The following MARCHF1 variants were observed in gnomAD, a reference collection of about 807,000 sequenced individuals.
MARCHF1 encodes E3 ubiquitin-protein ligase MARCHF1.
In MARCHF1, 40 loss-of-function variants were observed where a neutral mutation model predicts 54.2. That is an observed-to-expected ratio of 0.74 (90% confidence interval 0.57 to 0.96). The LOEUF is 0.96. Ranked by LOEUF, MARCHF1 falls within the 40% of genes least tolerant of loss-of-function variation. MARCHF1 has a pLI of 0.00. For missense variants in MARCHF1, 586 were observed against 656.5 expected (o/e 0.89, Z 1.17); for synonymous variants, 236 against 236.3 (o/e 1.00, Z 0.01).
At chr4:164,052,584 C>T (rs74712245) in intron 2 of MARCHF1, among the ~76,000 whole-genome samples, 7,229 of 152,044 alleles carry the variant, frequency 0.048, 266 homozygotes, top group East Asian at 0.19. Flanking sequence ...GTTAGAAGTG[C>T]GCTATAAAAC....
chr4:164,366,156 G>A (rs1212174609), intron 1 of MARCHF1, among the ~76,000 whole-genome samples: 1 of 151,844 alleles, frequency 6.6e-6, no homozygotes, highest in Admixed American at 6.6e-5. Flanking sequence ...TATTTAATGG[G>A]GCACAATCAT....
intron 4 of MARCHF1, among the ~76,000 whole-genome samples, chr4:163,777,701 AAAT>A (rs1371144507): frequency 6.6e-6 from 1 of 152,134 alleles, no homozygotes; most frequent in Non-Finnish European, 1.5e-5. Flanking sequence ...CTACCCAAAT[AAAT>A]AATAATACTT....
chr4:163,697,469 T>C (rs1268362316), intron 5 of MARCHF1, among the ~76,000 whole-genome samples: 1 of 152,180 alleles, frequency 6.6e-6, no homozygotes, highest in Non-Finnish European at 1.5e-5. Context: ...CACTAAGGAA[T>C]GGGGAAGGAA....
chr4:164,042,609 C>T (rs1468957422), intron 2 of MARCHF1, among the ~76,000 whole-genome samples: 1 of 152,014 alleles, frequency 6.6e-6, no homozygotes, highest in African/African-American at 2.4e-5. Flanking sequence ...TATATTCTAC[C>T]CCTGAGCCTT....
chr4:164,153,584 G>C (rs571263054), intron 1 of MARCHF1, among the ~76,000 whole-genome samples: 3 of 152,080 alleles, frequency 2.0e-5, no homozygotes, highest in African/African-American at 4.8e-5. Flanking sequence ...ATTAAAAATG[G>C]ATTAACTTTT....
intron 1 of MARCHF1, among the ~76,000 whole-genome samples, chr4:164,374,392 A>G (rs1421281162): frequency 6.6e-6 from 1 of 152,164 alleles, no homozygotes; most frequent in Non-Finnish European, 1.5e-5. Context: ...CGATAGTCCT[A>G]TGACAACTAT....
At chr4:163,603,683 A>T (rs191509829) in intron 7 of MARCHF1, among the ~76,000 whole-genome samples, 1 of 152,246 alleles carries the variant, frequency 6.6e-6, no homozygotes, top group East Asian at 1.9e-4. Flanking sequence ...ATGACCTTAG[A>T]AGGCCATCAA....
intron 4 of MARCHF1, among the ~76,000 whole-genome samples, chr4:163,844,846 G>A (rs999573467): frequency 1.3e-5 from 2 of 152,166 alleles, no homozygotes; most frequent in Non-Finnish European, 2.9e-5. Flanking sequence ...GTTGATAATG[G>A]ACTTAAGAAG....
chr4:164,293,076 T>A (rs2111372252), intron 1 of MARCHF1, among the ~76,000 whole-genome samples: 1 of 152,282 alleles, frequency 6.6e-6, no homozygotes. Context: ...TGTTTCTGAG[T>A]ATAAGAAATT....
intron 5 of MARCHF1, among the ~76,000 whole-genome samples, chr4:163,629,504 C>T (rs184168112): frequency 1.2e-3 from 187 of 152,276 alleles, no homozygotes; most frequent in African/African-American, 3.8e-3. Flanking sequence ...TGGGCAAAGA[C>T]TTCATGAGTG....
intron 2 of MARCHF1, among the ~76,000 whole-genome samples, chr4:164,029,235 T>C (rs1365939913): frequency 1.3e-5 from 2 of 152,126 alleles, no homozygotes; most frequent in Admixed American, 6.5e-5. Context: ...AAGCACATAA[T>C]GGCATCAGCT....
At chr4:164,260,925 G>A (rs1450648257) in intron 1 of MARCHF1, among the ~76,000 whole-genome samples, 13 of 152,166 alleles carry the variant, frequency 8.5e-5, no homozygotes, top group Non-Finnish European at 1.9e-4. Flanking sequence ...TAGGCTGAGT[G>A]TTTTCTATTT....
intron 3 of MARCHF1, among the ~76,000 whole-genome samples, chr4:163,946,385 A>G (rs1752026568): frequency 6.6e-6 from 1 of 152,082 alleles, no homozygotes; most frequent in Admixed American, 6.5e-5. Context: ...AATAGATCCC[A>G]TACTATCATC....
At chr4:164,363,766 C>CGTGTGTGTGCGT (rs1554004697) in intron 1 of MARCHF1, among the ~76,000 whole-genome samples, 4 of 150,100 alleles carry the variant, frequency 2.7e-5, no homozygotes, top group Non-Finnish European at 5.9e-5. Flanking sequence ...ATTAATAAGC[C>CGTGTGTGTGCGT]GTGTGTGTGT....
rs556204623 is a variant in MARCHF1 at position 163,896,146 on chromosome 4, T to C, written c.-38-41977A>G. On this transcript the variant is annotated intron_variant, in intron 3 of 9. Transcript: ENST00000514618. ...TTCTGTTGAATTTATGCTAAATATATATTGTGCCAAAAAAGAATAAAAATA... is the reference window on the plus strand; with the variant it reads ...TTCTGTTGAATTTATGCTAAATATACATTGTGCCAAAAAAGAATAAAAATA... Among the ~76,000 whole-genome samples the C allele has an allele frequency of 1.4e-4, 22 of 152,294 alleles. 1 individual carries two copies. The highest frequency in any genetic ancestry group is 4.8e-4 in the African/African-American group (20 of 41,560).
At chr4:163,837,225 A>G (rs955523546) in intron 4 of MARCHF1, among the ~76,000 whole-genome samples, 1 of 152,166 alleles carries the variant, frequency 6.6e-6, no homozygotes, top group African/African-American at 2.4e-5. Flanking sequence ...TTATTTCAAT[A>G]CTGTGACTCT....
rs564224788 is a variant in MARCHF1, at chr4:164,188,357, G to T, written c.-322-76695C>A. On this transcript the variant is annotated intron_variant, in intron 1 of 9. Coordinates refer to ENST00000514618, the MANE Select transcript of MARCHF1 (RefSeq NM_001394959.1). ...GTGGCTTCATTGCCTGCGACGCCCT[G>T]CCTCTGCTGCCCGACTGGCTGGCAA... is the stretch of plus-strand genomic sequence containing the variant. The T allele has an allele frequency of 2.0e-5, 9 of 461,032 alleles. No homozygotes were observed. The East Asian group carries it at 2.6e-4, about 13-fold the overall frequency. 28.6% of individuals were successfully genotyped at this position (461,032 alleles called of 1,614,324 possible). A position where few individuals can be genotyped will look rare whatever the true frequency, so the allele number is the denominator to read the frequency against.
intron 3 of MARCHF1, among the ~76,000 whole-genome samples, chr4:163,885,372 T>A (rs537088510): frequency 3.3e-5 from 5 of 152,264 alleles, no homozygotes; most frequent in Admixed American, 1.3e-4. Context: ...GTTTTAAGGC[T>A]GCCTTAAAAG....
intron 4 of MARCHF1, among the ~76,000 whole-genome samples, chr4:163,775,957 G>C (rs371829447): frequency 6.6e-6 from 1 of 152,144 alleles, no homozygotes; most frequent in East Asian, 1.9e-4. Context: ...AAGACACCTA[G>C]CTGGCAATGG....
Sources: allele counts gnomAD v4.1 joint callset (sites outside exome capture counted in the v4.1 genomes callset), GRCh38; gene constraint gnomAD v4.1.1; transcripts MANE v1.5; gene names NCBI Gene and HGNC (gene_info 2026-07-23, HGNC 2026-07-21).